SGSM1: variants seen among roughly 807,000 people sequenced by gnomAD.
SGSM1 encodes RUN and TBC1 domain containing 2.
Under a neutral mutation model 133.8 loss-of-function variants are expected in SGSM1, and 73 were observed. The ratio of observed to expected loss-of-function variants is 0.55; its 90% CI spans 0.45 to 0.66. The LOEUF is 0.66. SGSM1 is among the 30% of genes least tolerant of loss of function. The pLI is 0.00. For missense variants in SGSM1, 1,213 were observed against 1,448.1 expected (o/e 0.84, Z 2.64); for synonymous variants, 563 against 573.0 (o/e 0.98, Z 0.25).
rs1241650386 is a variant in SGSM1, at chr22:24,816,359, AATAAAC to A, written c.63+9883_63+9888del. 5.3e-5 allele frequency among the ~76,000 whole-genome samples: 8 copies of A among 152,264 alleles called. No homozygotes were observed. In the East Asian group the frequency reaches 1.4e-3, roughly 26 times the overall value. On this transcript the variant is annotated intron_variant, in intron 2 of 24. Coordinates refer to ENST00000400358, the MANE Select transcript of SGSM1 (RefSeq NM_001098497.3). ...CCCTGATAAAACTAGGTAGAATGAT[AATAAAC>A]ATAAACAAAATGAGAAAGTGAAGCT...
At chr22:24,829,913 T>G (rs1232386812) in intron 2 of SGSM1, among the ~76,000 whole-genome samples, 2 of 152,122 alleles carry the variant, frequency 1.3e-5, no homozygotes, top group Admixed American at 6.5e-5. Context: ...TCTGTCAGCT[T>G]TCAAAGTGGA....
intron 5 of SGSM1, among the ~76,000 whole-genome samples, chr22:24,853,315 A>G (rs1289378063): frequency 6.6e-6 from 1 of 152,188 alleles, no homozygotes; most frequent in Admixed American, 6.5e-5. Context: ...CAGCAAATAA[A>G]TCGCTTACCC....
chr22:24,815,228 A>G (rs900856488), intron 2 of SGSM1, among the ~76,000 whole-genome samples: 1 of 152,184 alleles, frequency 6.6e-6, no homozygotes, highest in Non-Finnish European at 1.5e-5. Context: ...CTGAGAGTTC[A>G]AGAGACTTGG....
chr22:24,887,107 TTGTGTGTGTG>T (rs60431385), intron 16 of SGSM1, among the ~76,000 whole-genome samples: 9 of 145,314 alleles, frequency 6.2e-5, no homozygotes, highest in African/African-American at 2.3e-4. Context: ...TTGTACTTAT[TTGTGTGTGTG>T]TGTGTGTGTG....
At chr22:24,907,204 G>T (rs933931833) in intron 21 of SGSM1, among the ~76,000 whole-genome samples, 7 of 151,628 alleles carry the variant, frequency 4.6e-5, no homozygotes, top group African/African-American at 1.7e-4. Context: ...AGGTTGCAGT[G>T]AGCTGAGATT....
At chr22:24,856,768 C>CT (rs113036395) in intron 8 of SGSM1, among the ~76,000 whole-genome samples, 385 of 139,352 alleles carry the variant, frequency 2.8e-3, no homozygotes, top group Middle Eastern at 7.7e-3. Context: ...AGTTTCTTTT[C>CT]TTTTTTTTTT....
chr22:24,879,315 G>A (rs1932192435), intron 13 of SGSM1, 147 bp from the exon 14 acceptor site: 2 of 683,036 alleles, frequency 2.9e-6, no homozygotes, highest in Non-Finnish European at 5.1e-6. Context: ...ATGCTGTACA[G>A]GTAGAGGTAA....
intron 2 of SGSM1, among the ~76,000 whole-genome samples, chr22:24,818,952 C>G (rs1374885478): frequency 1.3e-5 from 2 of 151,844 alleles, no homozygotes; most frequent in Non-Finnish European, 2.9e-5. Context: ...CGAGACAATC[C>G]TGGCTAACAT....
rs75194443 is a variant in SGSM1 at position 24,852,057 on chromosome 22, A to G, written c.455+1625A>G. Among the ~76,000 whole-genome samples the G allele has an allele frequency of 3.8e-3, 584 of 152,346 alleles. 3 individuals are homozygous for G. Among genetic ancestry groups the G allele is most frequent in the African/African-American group, 0.013 (554 of 41,572 alleles). ...GAATTAGTAATTTATTTGAGAAGCA[A>G]TGTCAACCTGCTTTTTTTCCATTTC... On this transcript the variant is annotated intron_variant, in intron 5 of 24. Transcript: ENST00000400358.
chr22:24,858,635 CAAAAAA>C (rs139699), intron 8 of SGSM1, among the ~76,000 whole-genome samples: 4 of 82,972 alleles, frequency 4.8e-5, no homozygotes, highest in Non-Finnish European at 8.2e-5. Context: ...GACTCCATCT[CAAAAAA>C]AAAAAAAAAA....
At chr22:24,919,781 G>A (rs1569180436) in intron 23 of SGSM1, 45 bp from the exon 24 acceptor site, 1 of 1,609,470 alleles carries the variant, frequency 6.2e-7, no homozygotes, top group East Asian at 2.2e-5. Context: ...AACACTGTGA[G>A]CCCCGTCACC....
At chr22:24,860,756 C>T (rs1209487265) in intron 9 of SGSM1, among the ~76,000 whole-genome samples, 2 of 149,858 alleles carry the variant, frequency 1.3e-5, no homozygotes, top group African/African-American at 4.9e-5. Context: ...CAAAAATTGC[C>T]AGGCATGGTG....
chr22:24,868,744 C>G lies in SGSM1; in HGVS notation c.1180C>G (p.Arg394Gly). 6.2e-7 allele frequency: 1 copy of G among 1,613,988 alleles called. No homozygotes were observed. The highest frequency in any genetic ancestry group is 1.3e-5 in the African/African-American group (1 of 75,050). Residue 394 changes from arginine (R) to glycine (G), a missense_variant, in exon 12 of 25, where the codon CGC (arginine) becomes GGC (glycine). Coordinates refer to ENST00000400358, the MANE Select transcript of SGSM1 (RefSeq NM_001098497.3). ...GCAGGGCAAAGTGTTTCCTAAACTGCGCAAGCGAAGCCCTCAGGGTTCTGC... is the reference window on the plus strand; with the variant it reads ...GCAGGGCAAAGTGTTTCCTAAACTGGGCAAGCGAAGCCCTCAGGGTTCTGC... ...RGKGKVFPKL[R>G]KRSPQGSAES...
At chr22:24,844,267 G>A (rs995666630) in intron 2 of SGSM1, 13 of 152,264 alleles carry the variant, frequency 8.5e-5, no homozygotes, top group African/African-American at 2.7e-4. Flanking sequence ...TGGGCGCGGC[G>A]GCTCACGCAT....
At chr22:24,867,417 C>T (rs1931521581) in intron 10 of SGSM1, among the ~76,000 whole-genome samples, 1 of 152,316 alleles carries the variant, frequency 6.6e-6, no homozygotes, top group Admixed American at 6.5e-5. Flanking sequence ...ATGAAATCCA[C>T]CTATGGCTAT....
rs374456980 is a variant in SGSM1, at chr22:24,922,479, C to CTT, written c.3194-1694_3194-1693dup. Among the ~76,000 whole-genome samples the CTT allele has an allele frequency of 5.6e-3, 715 of 128,588 alleles. 16 individuals carry two copies. Among genetic ancestry groups the CTT allele is most frequent in the Admixed American group, 0.028 (347 of 12,446 alleles). The allele number at this position is 128,588 out of a possible 152,430, so 84.4% of individuals were successfully genotyped here. A position where few individuals can be genotyped will look rare whatever the true frequency, so the allele number is the denominator to read the frequency against. On this transcript the variant is annotated intron_variant, in intron 24 of 24. Coordinates refer to ENST00000400358, the MANE Select transcript of SGSM1 (RefSeq NM_001098497.3). ...ACAGGCATGAGCCACTGTGCCCGGC[C>CTT]TTTTTTTTTTTTTTGAGACGGAGTC...
At chr22:24,819,045 C>T (rs557198582) in intron 2 of SGSM1, among the ~76,000 whole-genome samples, 5 of 151,138 alleles carry the variant, frequency 3.3e-5, no homozygotes, top group Non-Finnish European at 7.4e-5. Flanking sequence ...ACTCGGGAGG[C>T]TGAGGCAGGA....
intron 5 of SGSM1, among the ~76,000 whole-genome samples, chr22:24,852,217 A>G (rs1930522539): frequency 1.3e-5 from 2 of 152,222 alleles, no homozygotes; most frequent in African/African-American, 2.4e-5. Flanking sequence ...ACATTGGTAC[A>G]ATACTATTAA....
At position 24,841,122 on chromosome 22, in the gene SGSM1, T is replaced by C. The variant is rs559308295; in HGVS notation, c.64-3775T>C. Among the ~76,000 whole-genome samples the C allele has an allele frequency of 1.9e-4, 29 of 152,358 alleles. No individual in the cohort carries two copies. The Middle Eastern group carries it at 0.01, about 54-fold the overall frequency. ...GCCTTGGCCTCCCAAAGTGCTGGGATTACAGGCGTGAGCCACCGTGCCCTG... is the reference window on the plus strand; with the variant it reads ...GCCTTGGCCTCCCAAAGTGCTGGGACTACAGGCGTGAGCCACCGTGCCCTG... On this transcript the variant is annotated intron_variant, in intron 2 of 24. Transcript: ENST00000400358.
Sources: gnomAD v4.1 joint callset for allele counts (sites outside exome capture counted in the v4.1 genomes callset) on GRCh38, gnomAD v4.1.1 for gene constraint, MANE v1.5 for transcripts, NCBI Gene and HGNC (gene_info 2026-07-23, HGNC 2026-07-21) for gene names.